Variants in SLC6A16 observed in about 807,000 individuals in gnomAD.
SLC6A16 encodes the protein solute carrier family 6 member 16.
Under a neutral mutation model 65.4 loss-of-function variants are expected in SLC6A16, and 54 were observed. That is an observed-to-expected ratio of 0.83 (90% CI 0.66 to 1.04). The LOEUF (loss-of-function observed/expected upper bound fraction) is 1.04, where lower values mean the gene tolerates loss of function less well. SLC6A16 is among the 50% of genes least tolerant of loss of function. The pLI is 0.00. For synonymous variants in SLC6A16, 330 were observed against 346.5 expected, an observed-to-expected ratio of 0.95 and a Z score of 0.53; for missense variants, 816 against 914.0, an observed-to-expected ratio of 0.89 and a Z score of 1.38.
At chr19:49,305,592 C>CAA (rs566209079) in intron 7 of SLC6A16, among the ~76,000 whole-genome samples, 27,711 of 106,676 alleles carry the variant, frequency 0.26, 4,100 homozygotes, top group Non-Finnish European at 0.37. Context: ...AGATCTGTCT[C>CAA]AAAAAAAAAA....
chr19:49,311,255 C>T lies in SLC6A16; in HGVS notation c.93G>A (p.Thr31=), dbSNP rs375520829. Reference sequence around the variant, plus strand: ...GGGTCAATGAACCCTTGTCTTCCCACGTTTGACTTCCTGGGACACTGTCAG... The same window carrying T: ...GGGTCAATGAACCCTTGTCTTCCCATGTTTGACTTCCTGGGACACTGTCAG... ...VISDSVPGSQ[T]WEDKGSLTRS... is the part of the protein sequence containing the mutation. The change falls in exon 2 of 12, where the codon ACG becomes ACA. Residue 31 remains threonine, a synonymous_variant. Coordinates refer to ENST00000335875, the MANE Select transcript of SLC6A16 (RefSeq NM_014037.3). The T allele has an allele frequency of 5.6e-6, 9 of 1,613,904 alleles. No individual in the cohort carries two copies. Among genetic ancestry groups the T allele is most frequent in the South Asian group, 3.3e-5 (3 of 91,064 alleles).
At chr19:49,304,729 T>G (rs187705285) in intron 7 of SLC6A16, among the ~76,000 whole-genome samples, 110 of 152,278 alleles carry the variant, frequency 7.2e-4, no homozygotes, top group African/African-American at 2.5e-3. Flanking sequence ...AGAAAAGAAT[T>G]TTAATATATA....
chr19:49,315,100 A>G (rs1311510599), intron 1 of SLC6A16, among the ~76,000 whole-genome samples: 1 of 152,200 alleles, frequency 6.6e-6, no homozygotes, highest in Non-Finnish European at 1.5e-5. Flanking sequence ...TCATTTCTGA[A>G]AAATAGGTTC....
the SLC6A16 span, chr19:49,332,370 G>T: frequency 2.3e-6 from 1 of 441,192 alleles, no homozygotes; most frequent in South Asian, 1.6e-5. Flanking sequence ...GCCTGGCCAA[G>T]ATGGTGAAAC....
chr19:49,317,687 T>C (rs999588854), intron 1 of SLC6A16, among the ~76,000 whole-genome samples: 4 of 151,346 alleles, frequency 2.6e-5, no homozygotes, highest in Non-Finnish European at 4.4e-5. Context: ...GCGCCTGTAG[T>C]CCCAGCTACT....
intron 7 of SLC6A16, among the ~76,000 whole-genome samples, chr19:49,299,546 A>AAGAAAG (rs1568527899): frequency 1.7e-4 from 21 of 126,448 alleles, no homozygotes; most frequent in Admixed American, 2.6e-4. Context: ...AAAAAAAAAA[A>AAGAAAG]AAAGAAAGAA....
Position 49,310,129 on chromosome 19 carries a change from T to A in SLC6A16, c.611A>T (p.Asn204Ile), listed in dbSNP as rs751316257. 6.2e-7 allele frequency: 1 copy of A among 1,614,080 alleles called. No homozygotes were observed. Among genetic ancestry groups the A allele is most frequent in the South Asian group, 1.1e-5 (1 of 91,078 alleles). ...GCTCATGTAGAAGATGATCCAGGAA[T>A]TGACCACATTGAAGTACAGGCCGAG... The part of the protein sequence containing the change: ...FILGLYFNVV[N>I]SWIIFYMSQS... Residue 204 changes from asparagine to isoleucine, a missense_variant, in exon 4 of 12, where the codon AAT becomes ATT. Physicochemically the swap from Asn to Ile is moderately radical, Grantham distance 149. Transcript: ENST00000335875.
At chr19:49,294,677 A>C (rs1970152194) in intron 7 of SLC6A16, 124 bp from the exon 8 acceptor site, 4 of 900,832 alleles carry the variant, frequency 4.4e-6, no homozygotes, top group Non-Finnish European at 6.6e-6. Context: ...GGTAAGATAG[A>C]GCCTGGGATG....
the SLC6A16 span, among the ~76,000 whole-genome samples, chr19:49,333,194 TG>T: frequency 6.6e-6 from 1 of 151,156 alleles, no homozygotes; most frequent in Non-Finnish European, 1.5e-5. Flanking sequence ...AACAAAAACC[TG>T]GGTGTGGTGG....
chr19:49,307,390 G>C (rs1022521391), intron 7 of SLC6A16, among the ~76,000 whole-genome samples: 1 of 151,056 alleles, frequency 6.6e-6, no homozygotes, highest in Non-Finnish European at 1.5e-5. Context: ...TTGAAAACCA[G>C]ACAATATATG....
intron 7 of SLC6A16, 114 bp from the exon 8 acceptor site, chr19:49,294,667 G>T: frequency 1.0e-6 from 1 of 984,754 alleles, no homozygotes; most frequent in Non-Finnish European, 1.5e-6. Flanking sequence ...TACTGATCTG[G>T]GTAAGATAGA....
At chr19:49,319,332 G>T (rs1970667571) in intron 1 of SLC6A16, among the ~76,000 whole-genome samples, 1 of 151,650 alleles carries the variant, frequency 6.6e-6, no homozygotes, top group African/African-American at 2.4e-5. Context: ...ACTTACATTT[G>T]TACAATGAGA....
intron 1 of SLC6A16, among the ~76,000 whole-genome samples, chr19:49,313,969 G>A (rs1423161697): frequency 6.6e-6 from 1 of 151,836 alleles, no homozygotes; most frequent in African/African-American, 2.4e-5. Context: ...AGTGGCGGGC[G>A]CCTGTAGTCC....
chr19:49,338,836 A>T, the SLC6A16 span: 44 of 1,614,118 alleles, frequency 2.7e-5, no homozygotes, highest in Admixed American at 3.3e-5. This position sits in a 1 kb window ranked among gnomAD's most constrained non-coding sequence, Gnocchi z 5.0. Flanking sequence ...ATCCTAGATA[A>T]GGTGATCTTG....
At position 49,293,941 on chromosome 19, in the gene SLC6A16, A is replaced by C; in HGVS notation, c.1504T>G (p.Phe502Val). Reference sequence around the variant, plus strand: ...AGCCCCATGGCCAGCAACATCAGGAAGAAGATAAAAGACCAGAAGACAGAC... The same window carrying C: ...AGCCCCATGGCCAGCAACATCAGGACGAAGATAAAAGACCAGAAGACAGAC... ...PPSVFWSFIF[F>V]LMLLAMGLSS... The change falls in exon 9 of 12, where the codon TTC (phenylalanine) becomes GTC (valine). Residue 502 changes from phenylalanine (F) to valine (V), a missense_variant. Physicochemically the swap from Phe to Val is conservative, Grantham distance 50 (BLOSUM62 -1). Transcript: ENST00000335875. The C allele has an allele frequency of 1.9e-6, 3 of 1,614,074 alleles. No individual in the cohort carries two copies. Among genetic ancestry groups the C allele is most frequent in the African/African-American group, 2.7e-5 (2 of 75,024 alleles).
At chr19:49,333,315 A>T in the SLC6A16 span, among the ~76,000 whole-genome samples, 6 of 152,074 alleles carry the variant, frequency 3.9e-5, no homozygotes, top group African/African-American at 1.4e-4. Context: ...TCTACCAAAA[A>T]TACAAAAATT....
At chr19:49,338,807 G>A in the SLC6A16 span, 2 of 1,613,860 alleles carry the variant, frequency 1.2e-6, no homozygotes, top group Admixed American at 1.7e-5. This position sits in a 1 kb window ranked among gnomAD's most constrained non-coding sequence, Gnocchi z 5.0. Context: ...ACAACTTGTC[G>A]GCGACCAACG....
Position 49,310,441 on chromosome 19 carries a change from GCCATCT to G in SLC6A16, c.479_484del (p.Glu160_Met161del). 6.2e-7 allele frequency: 1 copy of G among 1,614,122 alleles called. No individual in the cohort carries two copies. Among genetic ancestry groups the G allele is most frequent in the South Asian group, 1.1e-5 (1 of 91,074 alleles). On this transcript the variant is annotated inframe_deletion, in exon 3 of 12. Coordinates refer to ENST00000335875, the MANE Select transcript of SLC6A16 (RefSeq NM_014037.3). ...ACCCTGACGCATGCTCTGACCAGCT[GCCATCT>G]CCAGGAAGAGAAGAGGAACCCCGAC...
At chr19:49,338,727 C>T in the SLC6A16 span, 1 of 1,612,616 alleles carries the variant, frequency 6.2e-7, no homozygotes. This position sits in a 1 kb window ranked among gnomAD's most constrained non-coding sequence, Gnocchi z 5.0. Flanking sequence ...GCACTACCCG[C>T]AGGACTGGTT....
Sources: allele counts gnomAD v4.1 joint callset (sites outside exome capture counted in the v4.1 genomes callset), GRCh38; gene constraint gnomAD v4.1.1; non-coding constraint Gnocchi (gnomAD v3.1); transcripts MANE v1.5; gene names NCBI Gene and HGNC (gene_info 2026-07-23, HGNC 2026-07-21).